The following MAD2L1BP variants were observed in gnomAD, a reference collection of about 807,000 sequenced individuals.
MAD2L1BP encodes the protein MAD2L1 binding protein.
MAD2L1BP carries 22 observed loss-of-function variants against 28.4 expected under a neutral mutation model. The ratio of observed to expected loss-of-function variants is 0.77; its 90% confidence interval spans 0.55 to 1.10. The LOEUF (loss-of-function observed/expected upper bound fraction) is 1.10. Ranked by LOEUF, MAD2L1BP falls within the 50% of genes least tolerant of loss-of-function variation. MAD2L1BP has a pLI of 0.00. For missense variants in MAD2L1BP, 325 were observed against 350.5 expected (o/e 0.93, Z 0.58); for synonymous variants, 146 against 133.7 (o/e 1.09, Z -0.63).
chr6:43,636,064 C>G, intron 1 of MAD2L1BP, 143 bp downstream of exon 1: 1 of 869,848 alleles, frequency 1.1e-6, no homozygotes, highest in Non-Finnish European at 1.8e-6. Context: ...CTGGCTGTGA[C>G]TCCATCGCCC....
rs183106967 is a variant in MAD2L1BP, at chr6:43,630,525, C to A, written c.20+756C>A. ...GGAGGCCAAGGAGTGTGCGGATCAC[C>A]TGAAGTCAGGTGTTCGAGACCAGCC... On this transcript the variant is annotated intron_variant, in intron 1 of 3. Coordinates refer to the MAD2L1BP transcript ENST00000451025. Among the ~76,000 whole-genome samples the A allele has an allele frequency of 4.6e-5, 7 of 152,202 alleles. No individual in the cohort carries two copies. The East Asian group carries it at 1.4e-3, about 29-fold the overall frequency.
chr6:43,635,952 C>G, intron 1 of MAD2L1BP, 31 bp downstream of exon 1: 1 of 1,532,194 alleles, frequency 6.5e-7, no homozygotes, highest in Non-Finnish European at 8.8e-7. Context: ...TTTGGGGAGC[C>G]TTGGGGACTT....
chr6:43,636,552 C>T lies in MAD2L1BP; in HGVS notation c.218C>T (p.Thr73Ile). 1 of 1,614,176 alleles carries T rather than the reference C, an allele frequency of 6.2e-7. No individual in the cohort carries two copies. The highest frequency in any genetic ancestry group is 8.5e-7 in the Non-Finnish European group (1 of 1,180,038). ...PVSQEGCCQF[T>I]CELLKHIMYQ... is the part of the protein sequence containing the mutation. The stretch of plus-strand genomic sequence containing the variant: ...AGCCAGGAAGGCTGCTGTCAGTTTA[C>T]TTGTGAACTTCTAAAGCATATCATG... The change falls in exon 2 of 3, where the codon ACT becomes ATT. Residue 73 changes from threonine to isoleucine, a missense_variant. By Grantham distance (89) the Thr-to-Ile change is moderately conservative. Transcript: ENST00000372171.
At chr6:43,634,993 C>T (rs1174956682), upstream of MAD2L1BP, among the ~76,000 whole-genome samples, 1 of 152,296 alleles carries the variant, frequency 6.6e-6, no homozygotes, top group Non-Finnish European at 1.5e-5. Flanking sequence ...AGGCTGCTTT[C>T]ATCAAGTACT....
Position 43,636,044 on chromosome 6 carries a change from C to G in MAD2L1BP, c.46+123C>G, listed in dbSNP as rs1770199431. On this transcript the variant is annotated intron_variant, in intron 1 of 2. Coordinates refer to ENST00000372171, the MANE Select transcript of MAD2L1BP (RefSeq NM_014628.3). ...CCGTCTTCCCTGTCTTCCGGGTGTC[C>G]TACACGGCTCTGGCTGTGACTCCAT... The G allele has an allele frequency of 5.0e-6, 5 of 1,007,896 alleles. No homozygotes were observed. In the African/African-American group the frequency reaches 8.2e-5, roughly 17 times the overall value. 62.4% of individuals were successfully genotyped at this position (1,007,896 alleles called of 1,614,324 possible).
At chr6:43,632,740 G>T (rs1769994382), upstream of MAD2L1BP, among the ~76,000 whole-genome samples, 1 of 148,084 alleles carries the variant, frequency 6.8e-6, no homozygotes, top group Admixed American at 6.9e-5. Flanking sequence ...TCTGGACTCA[G>T]CCGGGTGCGG....
At chr6:43,633,716 A>G (rs534239707), upstream of MAD2L1BP, among the ~76,000 whole-genome samples, 41 of 146,448 alleles carry the variant, frequency 2.8e-4, no homozygotes, top group South Asian at 6.6e-4. Flanking sequence ...CCACTTGTCT[A>G]TTTTGGTTTT....
upstream of MAD2L1BP, among the ~76,000 whole-genome samples, chr6:43,633,561 TATTTA>T (rs1271268478): frequency 1.3e-5 from 2 of 151,934 alleles, no homozygotes; most frequent in South Asian, 2.1e-4. Context: ...ACCTGACACT[TATTTA>T]ATTTATTTAT....
chr6:43,632,260 T>G (rs1190863656), upstream of MAD2L1BP, among the ~76,000 whole-genome samples: 1 of 106,938 alleles, frequency 9.4e-6, no homozygotes, highest in African/African-American at 8.0e-5. Flanking sequence ...TTGATTGACT[T>G]TTTTTTTTTT....
At chr6:43,630,556 A>G (rs1357077800) in intron 1 of MAD2L1BP, among the ~76,000 whole-genome samples, 1 of 152,118 alleles carries the variant, frequency 6.6e-6, no homozygotes, top group Non-Finnish European at 1.5e-5. Flanking sequence ...CAGCCTGGCC[A>G]ACACAGCGAA....
chr6:43,631,445 T>C (rs572476728), upstream of MAD2L1BP, among the ~76,000 whole-genome samples: 140 of 152,292 alleles, frequency 9.2e-4, 1 homozygote, highest in African/African-American at 3.2e-3. Flanking sequence ...GCTGCACTTG[T>C]CTGATAACAT....
rs115888564 is a variant in MAD2L1BP at position 43,637,911 on chromosome 6, T to G, written c.312+1265T>G. 2.5e-3 allele frequency among the ~76,000 whole-genome samples: 374 copies of G among 150,926 alleles called. 1 individual carries two copies. Among genetic ancestry groups the G allele is most frequent in the African/African-American group, 8.5e-3 (349 of 41,010 alleles). The stretch of plus-strand genomic sequence containing the variant: ...ACCGTGCTCCGCCTGTTTGTTTCTT[T>G]TTTTGAGAAGGAGTCTCGCTCTTGT... On this transcript the variant is annotated intron_variant, in intron 2 of 2. Transcript: ENST00000372171.
At chr6:43,636,047 C>T (rs1770199829) in intron 1 of MAD2L1BP, 126 bp downstream of exon 1, 1 of 1,003,344 alleles carries the variant, frequency 1.0e-6, no homozygotes, top group Non-Finnish European at 1.5e-6. Context: ...GGGTGTCCTA[C>T]ACGGCTCTGG....
rs768979304 is a variant in MAD2L1BP, at chr6:43,636,458, C to A, written c.124C>A (p.Pro42Thr). ...ACTTGAGACAAGCTCTACGCAGGAA[C>A]CTCTCAACGCTTCGGAGGCCTTTTG... is the stretch of plus-strand genomic sequence containing the variant. ...ELLETSSTQEPLNASEAFCPR... is the reference protein window; with the variant it reads ...ELLETSSTQETLNASEAFCPR... Residue 42 changes from proline to threonine, a missense_variant, in exon 2 of 3, where the codon CCT becomes ACT. Transcript: ENST00000372171. 124 of 1,614,068 alleles carry A rather than the reference C, an allele frequency of 7.7e-5. 2 individuals are homozygous for A. The South Asian group carries it at 1.0e-3, about 13-fold the overall frequency.
upstream of MAD2L1BP, chr6:43,635,810 G>C (rs2127860262): frequency 2.1e-6 from 3 of 1,418,362 alleles, no homozygotes; most frequent in South Asian, 4.5e-5. Context: ...GTGGAGGCGC[G>C]GGCTTCCCAT....
upstream of MAD2L1BP, among the ~76,000 whole-genome samples, chr6:43,631,604 C>G (rs769473517): frequency 6.6e-6 from 1 of 152,182 alleles, no homozygotes; most frequent in African/African-American, 2.4e-5. Flanking sequence ...CCCACCTCAG[C>G]CTCTGGAGTA....
In MAD2L1BP at chr6:43,640,664, T is replaced by G; in HGVS notation, c.*131T>G. The stretch of plus-strand genomic sequence containing the variant: ...GGAAGCAACTCTCCTTCTGGTTGTC[T>G]GCCTCCCCTCAGATTTCCTGATAGG... On this transcript the variant is annotated 3_prime_UTR_variant, in exon 3 of 3. Transcript: ENST00000372171. 1 of 966,690 alleles carries G rather than the reference T, an allele frequency of 1.0e-6. No individual in the cohort carries two copies. The highest frequency in any genetic ancestry group is 1.5e-6 in the Non-Finnish European group (1 of 672,604). The allele number at this position is 966,690 out of a possible 1,614,324, so 59.9% of individuals were successfully genotyped here. A position where few individuals can be genotyped will look rare whatever the true frequency, so the allele number is the denominator to read the frequency against.
upstream of MAD2L1BP, among the ~76,000 whole-genome samples, chr6:43,632,400 G>A (rs576763284): frequency 1.3e-5 from 2 of 151,898 alleles, no homozygotes; most frequent in African/African-American, 4.8e-5. Flanking sequence ...TGGGACTACA[G>A]GGGCATGCCA....
chr6:43,640,480 G>A lies in MAD2L1BP; in HGVS notation c.772G>A (p.Glu258Lys). 6.2e-7 allele frequency: 1 copy of A among 1,612,046 alleles called. No individual in the cohort carries two copies. The highest frequency in any genetic ancestry group is 1.7e-4 in the Middle Eastern group (1 of 6,052). Residue 258 changes from glutamate to lysine, a missense_variant, in exon 3 of 3, where the codon GAA (glutamate) becomes AAA (lysine). Physicochemically the swap from Glu to Lys is moderately conservative, Grantham distance 56 (BLOSUM62 1). Transcript: ENST00000372171. ...ACCTTCCATCCGAACCACGGCTTGGGAAGACTACATTTGGTTCCAGGCACC... is the reference window on the plus strand; with the variant it reads ...ACCTTCCATCCGAACCACGGCTTGGAAAGACTACATTTGGTTCCAGGCACC... ...GRPSIRTTAW[E>K]DYIWFQAPVT...
Sources: gnomAD v4.1 joint callset for allele counts (sites outside exome capture counted in the v4.1 genomes callset) on GRCh38, gnomAD v4.1.1 for gene constraint, MANE v1.5 for transcripts, NCBI Gene and HGNC (gene_info 2026-07-23, HGNC 2026-07-21) for gene names.